The following SCNN1B variants were observed in gnomAD, a reference collection of about 807,000 sequenced individuals.
SCNN1B encodes the protein epithelial sodium channel subunit beta.
Under a neutral mutation model 65.3 loss-of-function variants are expected in SCNN1B, and 46 were observed. That is an observed-to-expected ratio of 0.70 (90% CI 0.56 to 0.90). The LOEUF (loss-of-function observed/expected upper bound fraction) is 0.90, where lower values mean the gene tolerates loss of function less well. Among genes scored for constraint, SCNN1B ranks in the 40% least tolerant of loss-of-function variants. The pLI, the probability that SCNN1B is intolerant of heterozygous loss-of-function variation, is 0.00. For synonymous variants in SCNN1B, 349 were observed against 330.6 expected, an observed-to-expected ratio of 1.06 and a Z score of -0.60; for missense variants, 751 against 830.5, an observed-to-expected ratio of 0.90 and a Z score of 1.18.
intron 1 of SCNN1B, among the ~76,000 whole-genome samples, chr16:23,336,658 C>T (rs531267801): frequency 2.6e-5 from 4 of 152,248 alleles, no homozygotes; most frequent in Admixed American, 1.3e-4. Context: ...ACTTGAGCCA[C>T]CAAGCCTGGC....
upstream of SCNN1B, among the ~76,000 whole-genome samples, chr16:23,298,227 A>C (rs1241919575): frequency 6.6e-6 from 1 of 152,182 alleles, no homozygotes; most frequent in Non-Finnish European, 1.5e-5. Context: ...CTTCATCCAT[A>C]AAAAGAGTTT....
chr16:23,312,114 C>T (rs1961357699), intron 1 of SCNN1B, among the ~76,000 whole-genome samples: 1 of 152,146 alleles, frequency 6.6e-6, no homozygotes, highest in Admixed American at 6.5e-5. Flanking sequence ...GGAGCCGATT[C>T]CTGTCCTTAA....
upstream of SCNN1B, among the ~76,000 whole-genome samples, chr16:23,300,313 A>G (rs1313668837): frequency 1.3e-5 from 2 of 152,166 alleles, no homozygotes; most frequent in Non-Finnish European, 2.9e-5. Context: ...CACGTTCTGC[A>G]CATGTATCCC....
intron 3 of SCNN1B, among the ~76,000 whole-genome samples, chr16:23,354,038 CCCAGATGGGGAGCCACTG>C (rs1421042574): frequency 3.9e-5 from 6 of 152,154 alleles, no homozygotes; most frequent in African/African-American, 1.4e-4. Context: ...CCATACACTC[CCCAGATGGGGAGCCACTG>C]CCTTGCTGCT....
chr16:23,333,226 C>G (rs559290987), intron 1 of SCNN1B, among the ~76,000 whole-genome samples: 1 of 147,416 alleles, frequency 6.8e-6, no homozygotes, highest in South Asian at 2.1e-4. Context: ...AGAAAAAAGG[C>G]CTTATTGCTG....
At chr16:23,322,529 T>G (rs1961610488) in intron 1 of SCNN1B, among the ~76,000 whole-genome samples, 1 of 152,096 alleles carries the variant, frequency 6.6e-6, no homozygotes, top group Non-Finnish European at 1.5e-5. Flanking sequence ...CAGACTAATC[T>G]TGAATTCCTG....
intron 2 of SCNN1B, among the ~76,000 whole-genome samples, chr16:23,285,413 C>G (rs1960836101): frequency 6.6e-6 from 1 of 152,054 alleles, no homozygotes. Flanking sequence ...CTCAAGTGAT[C>G]CTTCTGCCTC....
chr16:23,353,383 T>C, intron 3 of SCNN1B: 2 of 440,286 alleles, frequency 4.5e-6, no homozygotes, highest in Non-Finnish European at 8.3e-6. Context: ...AATGAGGTCA[T>C]CAGGAATCTT....
At chr16:23,376,007 C>T (rs1962887147) in intron 8 of SCNN1B, 152 bp downstream of exon 8, 1 of 621,100 alleles carries the variant, frequency 1.6e-6, no homozygotes, top group Admixed American at 2.6e-5. Flanking sequence ...CCTATGATCC[C>T]CTCCCAGGCC....
At chr16:23,316,434 TC>T (rs1427199197) in intron 1 of SCNN1B, among the ~76,000 whole-genome samples, 2 of 130,650 alleles carry the variant, frequency 1.5e-5, no homozygotes, top group African/African-American at 5.8e-5. Flanking sequence ...ATCTCCTTCA[TC>T]ATCACCATCA....
At chr16:23,293,483 G>A (rs1226746214) in intron 2 of SCNN1B, among the ~76,000 whole-genome samples, 5 of 152,188 alleles carry the variant, frequency 3.3e-5, no homozygotes, top group Middle Eastern at 3.2e-3. Flanking sequence ...ATAGAGACAG[G>A]AAGTAGAATG....
intron 5 of SCNN1B, among the ~76,000 whole-genome samples, 156 bp downstream of exon 5, chr16:23,368,115 G>T (rs1429206629): frequency 6.6e-6 from 1 of 152,210 alleles, no homozygotes; most frequent in Non-Finnish European, 1.5e-5. Context: ...TGTGCCAGGG[G>T]AGGCCAGGCC....
chr16:23,308,540 G>T (rs1596820910), intron 1 of SCNN1B, among the ~76,000 whole-genome samples: 1 of 152,086 alleles, frequency 6.6e-6, no homozygotes, highest in African/African-American at 2.4e-5. Flanking sequence ...CAGAAATGCA[G>T]GTTCTCACAC....
chr16:23,322,369 C>T (rs755662874), intron 1 of SCNN1B, among the ~76,000 whole-genome samples: 3 of 152,136 alleles, frequency 2.0e-5, no homozygotes, highest in Non-Finnish European at 4.4e-5. Flanking sequence ...GACATGATCA[C>T]GGGTCACTGC....
At chr16:23,355,257 A>G in intron 3 of SCNN1B, 42 bp from the exon 4 acceptor site, 1 of 1,602,224 alleles carries the variant, frequency 6.2e-7, no homozygotes, top group Middle Eastern at 1.7e-4. Context: ...TCCTGCTAGC[A>G]GCTCCCACGC....
chr16:23,343,651 A>AAAGAAAGAAAG (rs1567304517), intron 1 of SCNN1B, among the ~76,000 whole-genome samples: 1 of 91,132 alleles, frequency 1.1e-5, no homozygotes, highest in Non-Finnish European at 2.3e-5. Context: ...AAGAAAGAAA[A>AAAGAAAGAAAG]AAAGAAAGGA....
In SCNN1B at chr16:23,380,809, C is replaced by T. The variant is rs764552371; in HGVS notation, c.*8C>T. 5.6e-6 allele frequency: 9 copies of T among 1,611,904 alleles called. No homozygotes were observed. The South Asian group carries it at 7.7e-5, about 14-fold the overall frequency. ...GAGGGTGATGCCATCTAACCCTGCC[C>T]CTGCCCACCCCGGGCGGCTGAAACT... is the stretch of plus-strand genomic sequence containing the variant. On this transcript the variant is annotated 3_prime_UTR_variant, in exon 13 of 13. Transcript: ENST00000343070. The surrounding 1 kb of genome is among the most constrained non-coding windows in gnomAD (Gnocchi z 5.4).
chr16:23,361,600 G>A (rs1962554893), intron 4 of SCNN1B, among the ~76,000 whole-genome samples: 1 of 152,174 alleles, frequency 6.6e-6, no homozygotes, highest in African/African-American at 2.4e-5. Flanking sequence ...CCAATTCCTT[G>A]TTATCTATTC....
intron 1 of SCNN1B, among the ~76,000 whole-genome samples, chr16:23,280,034 A>C (rs899275454): frequency 6.6e-6 from 1 of 152,120 alleles, no homozygotes; most frequent in Non-Finnish European, 1.5e-5. Context: ...AGGGATGCAG[A>C]TTTTAGAACA....
Sources: gnomAD v4.1 joint callset for allele counts (sites outside exome capture counted in the v4.1 genomes callset) on GRCh38, gnomAD v4.1.1 for gene constraint, Gnocchi (gnomAD v3.1) non-coding constraint, MANE v1.5 for transcripts, NCBI Gene and HGNC (gene_info 2026-07-23, HGNC 2026-07-21) for gene names.